Variants in CARMIL1 observed in about 807,000 individuals in gnomAD.
CARMIL1 encodes the protein F-actin-uncapping protein LRRC16A.
A neutral mutation model predicts 177.1 loss-of-function variants in CARMIL1; 90 were observed. That is an observed-to-expected ratio of 0.51 (90% CI 0.43 to 0.61). CARMIL1 has a LOEUF of 0.61. Among genes scored for constraint, CARMIL1 ranks in the 20% least tolerant of loss-of-function variants. CARMIL1 has a pLI of 0.00. For synonymous variants in CARMIL1, 577 were observed against 606.2 expected, an observed-to-expected ratio of 0.95 and a Z score of 0.71; for missense variants, 1,380 against 1,667.0, an observed-to-expected ratio of 0.83 and a Z score of 3.00.
chr6:25,418,254 C>G (rs1333429013), intron 2 of CARMIL1, among the ~76,000 whole-genome samples: 1 of 152,142 alleles, frequency 6.6e-6, no homozygotes, highest in African/African-American at 2.4e-5. Context: ...GCTGGACACC[C>G]TACAAGCAGG....
chr6:25,555,245 T>TA (rs1810493629), intron 28 of CARMIL1, among the ~76,000 whole-genome samples: 1 of 152,222 alleles, frequency 6.6e-6, no homozygotes, highest in Non-Finnish European at 1.5e-5. Context: ...AAATTGGAAA[T>TA]ATAAAAAACC....
intron 2 of CARMIL1, among the ~76,000 whole-genome samples, chr6:25,417,698 G>A (rs938522928): frequency 1.3e-5 from 2 of 151,984 alleles, no homozygotes; most frequent in East Asian, 1.9e-4. Context: ...ATTGGTTTTG[G>A]TGTTAACAAA....
At chr6:25,455,266 A>AGT (rs1799390517) in intron 8 of CARMIL1, among the ~76,000 whole-genome samples, 1 of 152,180 alleles carries the variant, frequency 6.6e-6, no homozygotes, top group Non-Finnish European at 1.5e-5. Context: ...TCAATAAGAA[A>AGT]GCTCTCCTGA....
chr6:25,407,429 A>G (rs1041056628), intron 2 of CARMIL1, among the ~76,000 whole-genome samples: 1 of 151,020 alleles, frequency 6.6e-6, no homozygotes, highest in Non-Finnish European at 1.5e-5. Context: ...CTTCAGAAGG[A>G]GAGGAAGAGG....
At position 25,318,868 on chromosome 6, in the gene CARMIL1, G is replaced by C. The variant is rs1784473654; in HGVS notation, c.138+33959G>C. ...TGGTTTGTGAGGTGCTCAACAGCAGGGACAGATGCAATCAGAGAAGGATGA... is the reference window on the plus strand; with the variant it reads ...TGGTTTGTGAGGTGCTCAACAGCAGCGACAGATGCAATCAGAGAAGGATGA... On this transcript the variant is annotated intron_variant, in intron 2 of 36. Transcript: ENST00000329474. 2.6e-5 allele frequency among the ~76,000 whole-genome samples: 4 copies of C among 152,112 alleles called. No homozygotes were observed. In the South Asian group the frequency reaches 8.3e-4, roughly 32 times the overall value.
intron 2 of CARMIL1, among the ~76,000 whole-genome samples, chr6:25,323,651 C>G (rs1784854966): frequency 6.6e-6 from 1 of 152,120 alleles, no homozygotes; most frequent in Admixed American, 6.5e-5. Context: ...GCAAATATTT[C>G]TGAAAATCAT....
chr6:25,419,872 A>G (rs1246900779), intron 2 of CARMIL1, among the ~76,000 whole-genome samples: 1 of 152,168 alleles, frequency 6.6e-6, no homozygotes, highest in Non-Finnish European at 1.5e-5. Context: ...CTGCTGACAG[A>G]TTTCTCATCT....
intron 24 of CARMIL1, 93 bp from the exon 25 acceptor site, chr6:25,537,762 A>G (rs1030231511): frequency 6.8e-7 from 1 of 1,481,254 alleles, no homozygotes; most frequent in African/African-American, 1.4e-5. Flanking sequence ...TGGTTTGCTG[A>G]AGTTTTTTTC....
intron 13 of CARMIL1, 65 bp downstream of exon 13, chr6:25,488,650 A>T: frequency 1.5e-6 from 2 of 1,294,998 alleles, no homozygotes; most frequent in Non-Finnish European, 2.2e-6. Context: ...GAATAATTCT[A>T]AACATGTCTT....
chr6:25,485,095 TAATTC>T lies in CARMIL1; in HGVS notation c.961+2754_961+2758del, dbSNP rs566917041. ...TAATAATTCTTGATTATATTTATTT[TAATTC>T]ATTTGTTCATTACTATATAACAAAT... On this transcript the variant is annotated intron_variant, in intron 12 of 36. Coordinates refer to ENST00000329474, the MANE Select transcript of CARMIL1 (RefSeq NM_017640.6). Among the ~76,000 whole-genome samples, 387 of 152,288 alleles carry T rather than the reference TAATTC, an allele frequency of 2.5e-3. 3 individuals are homozygous for T. The highest frequency in any genetic ancestry group is 8.7e-3 in the African/African-American group (363 of 41,566).
chr6:25,605,980 C>T lies in CARMIL1; in HGVS notation c.3635-81C>T, dbSNP rs377425321. On this transcript the variant is annotated intron_variant, in intron 34 of 36. Transcript: ENST00000329474. ...GATGAGAAACGATGGCAAATGATTA[C>T]AGCAGTTTGTACCAGACTTCTAGCT... The T allele has an allele frequency of 1.7e-4, 151 of 871,598 alleles. 1 individual carries two copies. The African/African-American group carries it at 1.8e-3, about 10-fold the overall frequency. The allele number at this position is 871,598 out of a possible 1,614,324, so 54.0% of individuals were successfully genotyped here.
intron 8 of CARMIL1, among the ~76,000 whole-genome samples, chr6:25,456,251 G>A (rs926380604): frequency 2.6e-5 from 4 of 152,118 alleles, no homozygotes; most frequent in African/African-American, 9.7e-5. Context: ...ATCTATATAG[G>A]TGCTTCATGG....
At chr6:25,555,779 C>T (rs1046198159) in intron 28 of CARMIL1, among the ~76,000 whole-genome samples, 1 of 152,134 alleles carries the variant, frequency 6.6e-6, no homozygotes, top group Admixed American at 6.6e-5. Context: ...AAAATGCTTA[C>T]TTATGACACA....
At chr6:25,508,734 G>A (rs983771183) in intron 17 of CARMIL1, among the ~76,000 whole-genome samples, 8 of 151,756 alleles carry the variant, frequency 5.3e-5, no homozygotes, top group Non-Finnish European at 1.2e-4. Flanking sequence ...ATGTTCCTTG[G>A]TTTATAGTAG....
At chr6:25,356,039 T>G (rs1218721281) in intron 2 of CARMIL1, among the ~76,000 whole-genome samples, 3 of 144,464 alleles carry the variant, frequency 2.1e-5, no homozygotes, top group African/African-American at 5.1e-5. Flanking sequence ...ACTTTCCTCC[T>G]TCTAAGACTT....
rs1477475960 is a variant in CARMIL1 at position 25,584,019 on chromosome 6, TC to T, written c.3006+2581del. ...TCTTATGTACTTTTATCTTTTCTTT[TC>T]TTTTTCTTTTTTTTTTTTTTTTTTT... On this transcript the variant is annotated intron_variant, in intron 31 of 36. Transcript: ENST00000329474. 1.7e-4 allele frequency among the ~76,000 whole-genome samples: 24 copies of T among 143,678 alleles called. No homozygotes were observed. The South Asian group carries it at 4.7e-3, about 28-fold the overall frequency. 94.3% of individuals were successfully genotyped at this position (143,678 alleles called of 152,430 possible). A position where few individuals can be genotyped will look rare whatever the true frequency, so the allele number is the denominator to read the frequency against.
chr6:25,376,002 T>A (rs1790934357), intron 2 of CARMIL1, among the ~76,000 whole-genome samples: 1 of 152,228 alleles, frequency 6.6e-6, no homozygotes, highest in Admixed American at 6.5e-5. Flanking sequence ...GATTTCATCT[T>A]GGTTTGGATC....
chr6:25,594,402 G>T lies in CARMIL1; in HGVS notation c.3007-13G>T. ...GTGCATGTGAATTAACATTACATCT[G>T]TTTGTTTTGCAGGTCTGTGCTGCCA... is the stretch of plus-strand genomic sequence containing the variant. On this transcript the variant is annotated splice_polypyrimidine_tract_variant and intron_variant, in intron 31 of 36. Transcript: ENST00000329474. The T allele has an allele frequency of 1.3e-6, 2 of 1,530,974 alleles. No homozygotes were observed. The highest frequency in any genetic ancestry group is 1.8e-6 in the Non-Finnish European group (2 of 1,111,160). 94.8% of individuals were successfully genotyped at this position (1,530,974 alleles called of 1,614,324 possible).
intron 15 of CARMIL1, among the ~76,000 whole-genome samples, chr6:25,494,319 T>G (rs1803493492): frequency 6.6e-6 from 1 of 152,138 alleles, no homozygotes; most frequent in Admixed American, 6.5e-5. Context: ...CTAAGTGCTT[T>G]ACATATACTG....
Sources: allele counts gnomAD v4.1 joint callset (sites outside exome capture counted in the v4.1 genomes callset), GRCh38; gene constraint gnomAD v4.1.1; transcripts MANE v1.5; gene names NCBI Gene and HGNC (gene_info 2026-07-23, HGNC 2026-07-21).